PAK1: variants seen among roughly 807,000 people sequenced by gnomAD.
PAK1 encodes the protein serine/threonine-protein kinase PAK 1.
PAK1 carries 29 observed loss-of-function variants against 67.4 expected under a neutral mutation model. That is an observed-to-expected ratio of 0.43 (90% CI 0.32 to 0.59). PAK1 has a LOEUF of 0.59. Among genes scored for constraint, PAK1 ranks in the 20% least tolerant of loss-of-function variants. The probability of loss-of-function intolerance (pLI) is 0.07; values close to 1 mark genes in which losing one functional copy is unlikely to be tolerated. For missense variants in PAK1, 337 were observed against 670.7 expected (o/e 0.50, Z 5.50); for synonymous variants, 223 against 237.4 (o/e 0.94, Z 0.56).
the PAK1 span, among the ~76,000 whole-genome samples, chr11:77,499,393 C>T: frequency 3.3e-5 from 5 of 152,166 alleles, no homozygotes; most frequent in African/African-American, 1.2e-4. Context: ...ATAGTCTCTT[C>T]CACATGTATA....
chr11:77,323,188 G>A lies in PAK1; in HGVS notation c.*86C>T. On this transcript the variant is annotated 3_prime_UTR_variant, in exon 15 of 15. Coordinates refer to ENST00000356341, the MANE Select transcript of PAK1 (RefSeq NM_002576.5). ...GGAAATGGGAGAAGCAAGGCAAGGA[G>A]AAGAGGGCATCAGGAGTTGGAATTT... The A allele has an allele frequency of 2.6e-5, 41 of 1,589,316 alleles. No individual in the cohort carries two copies. Among genetic ancestry groups the A allele is most frequent in the Non-Finnish European group, 3.5e-5 (41 of 1,167,208 alleles).
chr11:77,355,783 T>G lies in PAK1; in HGVS notation c.657A>C (p.Thr219=). 1 of 1,613,612 alleles carries G rather than the reference T, an allele frequency of 6.2e-7. No individual in the cohort carries two copies. ...LPVTPTRDVA[T]SPISPTENNT... is the part of the protein sequence containing the mutation. ...TATTTTCAGTAGGTGAAATGGGAGA[T>G]GTAGCCACGTCCCGAGTTGGAGTGA... Residue 219 remains threonine (T), a synonymous_variant, in exon 7 of 15, where the codon ACA becomes ACC. Coordinates refer to ENST00000356341, the MANE Select transcript of PAK1 (RefSeq NM_002576.5).
At chr11:77,419,806 T>G (rs987450389) in intron 1 of PAK1, among the ~76,000 whole-genome samples, 1 of 152,166 alleles carries the variant, frequency 6.6e-6, no homozygotes, top group Non-Finnish European at 1.5e-5. Context: ...TTGTAGTAAT[T>G]AGATGGTGAG....
chr11:77,453,685 C>T (rs750249160), intron 1 of PAK1, among the ~76,000 whole-genome samples: 2 of 152,184 alleles, frequency 1.3e-5, no homozygotes, highest in Non-Finnish European at 2.9e-5. Context: ...ACTGCACTAT[C>T]CCTGTAACAG....
chr11:77,482,754 C>A, the PAK1 span, among the ~76,000 whole-genome samples: 1 of 152,172 alleles, frequency 6.6e-6, no homozygotes, highest in Non-Finnish European at 1.5e-5. Flanking sequence ...GCACTCGCCA[C>A]CCTGCTCAGC....
chr11:77,454,255 A>G (rs878975714), intron 1 of PAK1, among the ~76,000 whole-genome samples: 2 of 152,146 alleles, frequency 1.3e-5, no homozygotes, highest in Admixed American at 1.3e-4. Context: ...CCGAAGCTCA[A>G]TGAGGTAAAA....
chr11:77,451,101 T>C (rs185230855), intron 1 of PAK1, among the ~76,000 whole-genome samples: 175 of 152,350 alleles, frequency 1.1e-3, no homozygotes, highest in African/African-American at 4.0e-3. Context: ...CTTCTGAGAA[T>C]ATCTCAAACA....
the PAK1 span, among the ~76,000 whole-genome samples, chr11:77,484,218 T>TAA: frequency 9.1e-6 from 1 of 110,416 alleles, no homozygotes; most frequent in African/African-American, 3.4e-5. Flanking sequence ...AAGTTATCCA[T>TAA]AAAAAAAAAA....
chr11:77,322,794 C>T lies in PAK1; in HGVS notation c.*480G>A, dbSNP rs1467472302. 1 of 371,286 alleles carries T rather than the reference C, an allele frequency of 2.7e-6. No individual in the cohort carries two copies. The highest frequency in any genetic ancestry group is 4.9e-6 in the Non-Finnish European group (1 of 203,912). The allele number at this position is 371,286 out of a possible 1,614,324, so 23.0% of individuals were successfully genotyped here. ...TCATGTCCCTGGCAGATTATCAAAC[C>T]CCATGGCATTCCCAAGCTGTTCCAG... On this transcript the variant is annotated 3_prime_UTR_variant, in exon 15 of 15. Transcript: ENST00000356341.
chr11:77,393,990 G>A (rs918421925), intron 1 of PAK1, among the ~76,000 whole-genome samples: 2 of 152,104 alleles, frequency 1.3e-5, no homozygotes, highest in South Asian at 2.1e-4. Context: ...GTGACAGAGG[G>A]AGACTCTGTC....
At chr11:77,505,599 A>G in the PAK1 span, among the ~76,000 whole-genome samples, 3 of 152,136 alleles carry the variant, frequency 2.0e-5, no homozygotes, top group African/African-American at 7.2e-5. Context: ...GATAACCACC[A>G]TTCTACTTTT....
intron 1 of PAK1, among the ~76,000 whole-genome samples, chr11:77,444,059 C>T (rs1210461333): frequency 6.6e-6 from 1 of 152,130 alleles, no homozygotes; most frequent in South Asian, 2.1e-4. Flanking sequence ...ATTCCAGTGA[C>T]TTACCCATGG....
chr11:77,418,299 C>CTAGCGTA (rs1955078937), intron 1 of PAK1, among the ~76,000 whole-genome samples: 2 of 152,172 alleles, frequency 1.3e-5, no homozygotes, highest in Non-Finnish European at 2.9e-5. Flanking sequence ...TAATGATGAT[C>CTAGCGTA]TAGCGTACCC....
the PAK1 span, among the ~76,000 whole-genome samples, chr11:77,505,576 A>G: frequency 6.6e-6 from 1 of 151,958 alleles, no homozygotes. Context: ...TCCTCTCCCC[A>G]TCCCTTGCCC....
chr11:77,356,064 C>T (rs1044989276), intron 6 of PAK1: 6 of 432,724 alleles, frequency 1.4e-5, no homozygotes, highest in Admixed American at 8.0e-5. Context: ...AGAGTCTCAG[C>T]ACTAAAGATA....
chr11:77,454,667 G>C (rs1286785751), intron 1 of PAK1, among the ~76,000 whole-genome samples: 1 of 152,164 alleles, frequency 6.6e-6, no homozygotes, highest in African/African-American at 2.4e-5. Flanking sequence ...ATAAGTCTGA[G>C]ATGTGGCTCC....
chr11:77,465,237 A>G (rs1957543642), intron 1 of PAK1, among the ~76,000 whole-genome samples: 1 of 152,196 alleles, frequency 6.6e-6, no homozygotes, highest in Non-Finnish European at 1.5e-5. Flanking sequence ...GCAGCACCCA[A>G]ATGATCAGGA....
the PAK1 span, among the ~76,000 whole-genome samples, chr11:77,507,647 G>A: frequency 6.6e-6 from 1 of 151,672 alleles, no homozygotes; most frequent in Non-Finnish European, 1.5e-5. Context: ...TCAGCCTCCC[G>A]AGTAGCTAGG....
At chr11:77,528,965 G>A in the PAK1 span, among the ~76,000 whole-genome samples, 1 of 152,044 alleles carries the variant, frequency 6.6e-6, no homozygotes, top group Admixed American at 6.5e-5. Flanking sequence ...ATGCAAAGGT[G>A]GTACAGTAGG....
Sources: gnomAD v4.1 joint callset for allele counts (sites outside exome capture counted in the v4.1 genomes callset) on GRCh38, gnomAD v4.1.1 for gene constraint, MANE v1.5 for transcripts, NCBI Gene and HGNC (gene_info 2026-07-23, HGNC 2026-07-21) for gene names.